Variants in ELAVL4 observed in about 807,000 individuals in gnomAD.
The protein encoded by ELAVL4 is ELAV-like protein 4.
In ELAVL4, 1 loss-of-function variant was observed where a neutral mutation model predicts 35.6. The observed-to-expected ratio is 0.03, with a 90% CI of 0.01 to 0.13. The LOEUF (loss-of-function observed/expected upper bound fraction) is 0.13. ELAVL4 is among the 10% of genes least tolerant of loss of function. ELAVL4 has a pLI of 1.00. For missense variants in ELAVL4, 267 were observed against 464.9 expected (o/e 0.57, Z 3.91); for synonymous variants, 156 against 171.0 (o/e 0.91, Z 0.69).
chr1:50,170,292 T>C (rs1434016153), intron 2 of ELAVL4, among the ~76,000 whole-genome samples: 1 of 152,230 alleles, frequency 6.6e-6, no homozygotes, highest in African/African-American at 2.4e-5. Flanking sequence ...AGCCCCATCT[T>C]ATAAATGAGT....
chr1:50,131,604 A>T (rs1670863479), intron 1 of ELAVL4, among the ~76,000 whole-genome samples: 2 of 152,128 alleles, frequency 1.3e-5, no homozygotes, highest in South Asian at 4.1e-4. Context: ...CCTAGCCAAC[A>T]TGGTGAAAAC....
At chr1:50,119,044 GA>G (rs1251693784) in intron 1 of ELAVL4, among the ~76,000 whole-genome samples, 11 of 79,840 alleles carry the variant, frequency 1.4e-4, no homozygotes, top group African/African-American at 5.3e-4. Flanking sequence ...GAAAAAGAAA[GA>G]AAGAAAGAAA....
At chr1:50,116,348 G>C (rs1043900166) in intron 1 of ELAVL4, among the ~76,000 whole-genome samples, 20 of 152,010 alleles carry the variant, frequency 1.3e-4, no homozygotes, top group Non-Finnish European at 2.9e-5. Context: ...AAGTTTGCTA[G>C]TGGAGCAGAA....
chr1:50,123,162 A>T (rs1669311855), intron 1 of ELAVL4, among the ~76,000 whole-genome samples: 1 of 152,020 alleles, frequency 6.6e-6, no homozygotes. Context: ...TTTCAAGTTT[A>T]TTGAGGGTGA....
intron 1 of ELAVL4, among the ~76,000 whole-genome samples, chr1:50,125,732 T>C (rs1669794556): frequency 1.3e-5 from 2 of 152,236 alleles, no homozygotes; most frequent in Middle Eastern, 3.4e-3. Flanking sequence ...CAATTAAGGC[T>C]GTTAAGATCT....
At chr1:50,133,673 G>GAAAGA in intron 1 of ELAVL4, among the ~76,000 whole-genome samples, 1 of 149,728 alleles carries the variant, frequency 6.7e-6, no homozygotes, top group Non-Finnish European at 1.5e-5. Flanking sequence ...AAGAAAGAAA[G>GAAAGA]AAGCAGTGAA....
intron 1 of ELAVL4, among the ~76,000 whole-genome samples, chr1:50,077,764 A>G (rs1664828321): frequency 1.3e-5 from 2 of 152,220 alleles, no homozygotes. Context: ...TTTAATGATA[A>G]TAGCTTAATT....
chr1:50,050,409 A>G (rs1572090482), intron 1 of ELAVL4, among the ~76,000 whole-genome samples: 1 of 152,208 alleles, frequency 6.6e-6, no homozygotes, highest in Admixed American at 6.5e-5. Context: ...TTACAAAGGT[A>G]TATCCATTTG....
chr1:50,083,994 C>T (rs527398665), intron 1 of ELAVL4, among the ~76,000 whole-genome samples: 1 of 152,242 alleles, frequency 6.6e-6, no homozygotes, highest in South Asian at 2.1e-4. Context: ...TGAGAGCTGC[C>T]TTGAATGCCT....
At chr1:50,082,389 G>T (rs1665047371) in intron 1 of ELAVL4, among the ~76,000 whole-genome samples, 2 of 152,162 alleles carry the variant, frequency 1.3e-5, no homozygotes, top group South Asian at 2.1e-4. Flanking sequence ...GCATGAGATG[G>T]TATTTCATTG....
chr1:50,151,572 T>C (rs1302451824), intron 2 of ELAVL4, among the ~76,000 whole-genome samples: 1 of 152,196 alleles, frequency 6.6e-6, no homozygotes, highest in Non-Finnish European at 1.5e-5. Flanking sequence ...TCCCAAGATA[T>C]TGATTAGCTA....
chr1:50,048,133 G>A, exon 1 of ELAVL4: 2 of 1,510,156 alleles, frequency 1.3e-6, no homozygotes, highest in Non-Finnish European at 1.8e-6. Context: ...CCCAGCCTCC[G>A]CAGCCTCGGG....
upstream of ELAVL4, among the ~76,000 whole-genome samples, chr1:50,101,076 A>G (rs1187568854): frequency 6.6e-6 from 1 of 152,002 alleles, no homozygotes; most frequent in African/African-American, 2.4e-5. Flanking sequence ...GGAGCCTAAC[A>G]TATCATTTTT....
At chr1:50,102,664 A>G (rs1666050931), upstream of ELAVL4, among the ~76,000 whole-genome samples, 1 of 152,178 alleles carries the variant, frequency 6.6e-6, no homozygotes, top group Non-Finnish European at 1.5e-5. Context: ...CTGCTCGTGC[A>G]CTTAGATTTA....
intron 1 of ELAVL4, among the ~76,000 whole-genome samples, chr1:50,049,871 T>C (rs1572089644): frequency 1.3e-5 from 2 of 152,340 alleles, no homozygotes; most frequent in South Asian, 4.1e-4. Context: ...TATTAGCCTC[T>C]GAAACCTTTA....
intron 1 of ELAVL4, among the ~76,000 whole-genome samples, chr1:50,090,841 A>AC (rs1665461336): frequency 6.6e-6 from 1 of 152,188 alleles, no homozygotes; most frequent in Non-Finnish European, 1.5e-5. Flanking sequence ...TTCTAGCTGT[A>AC]TGGCTAGGCA....
chr1:50,155,759 G>C (rs1675618257), intron 2 of ELAVL4, among the ~76,000 whole-genome samples: 1 of 152,182 alleles, frequency 6.6e-6, no homozygotes, highest in Admixed American at 6.5e-5. Context: ...GGTTTCTGCA[G>C]TGAGTTCTGT....
chr1:50,127,108 A>T (rs1159689034), intron 1 of ELAVL4, among the ~76,000 whole-genome samples: 2 of 152,108 alleles, frequency 1.3e-5, no homozygotes, highest in Non-Finnish European at 2.9e-5. Context: ...CAGCATGCTG[A>T]GAAAGAAGCC....
At chr1:50,056,882 A>G (rs1663703791) in intron 1 of ELAVL4, among the ~76,000 whole-genome samples, 1 of 151,940 alleles carries the variant, frequency 6.6e-6, no homozygotes, top group Non-Finnish European at 1.5e-5. Flanking sequence ...CAGTAAGCCA[A>G]GATCGTGCCA....
Sources: gnomAD v4.1 joint callset for allele counts (sites outside exome capture counted in the v4.1 genomes callset) on GRCh38, gnomAD v4.1.1 for gene constraint, MANE v1.5 for transcripts, NCBI Gene and HGNC (gene_info 2026-07-23, HGNC 2026-07-21) for gene names.